The following SCN9A variants were observed in gnomAD, a reference collection of about 807,000 sequenced individuals.
SCN9A encodes the protein sodium channel protein type 9 subunit alpha.
Under a neutral mutation model 187.0 loss-of-function variants are expected in SCN9A, and 131 were observed. That is an observed-to-expected ratio of 0.70 (90% CI 0.61 to 0.81). The LOEUF is 0.81. Among genes scored for constraint, SCN9A ranks in the 30% least tolerant of loss-of-function variants. The pLI is 0.00. For missense variants in SCN9A, 2,252 were observed against 2,396.6 expected, an observed-to-expected ratio of 0.94 and a Z score of 1.26; for synonymous variants, 809 against 808.6, an observed-to-expected ratio of 1.00 and a Z score of -0.01.
chr2:166,270,511 T>C (rs1335519069), intron 17 of SCN9A, among the ~76,000 whole-genome samples: 1 of 152,052 alleles, frequency 6.6e-6, no homozygotes, highest in Non-Finnish European at 1.5e-5. Flanking sequence ...CTTGGCTACA[T>C]AGAAACATAT....
chr2:166,339,702 T>G (rs753630953), intron 1 of SCN9A, among the ~76,000 whole-genome samples: 2 of 152,198 alleles, frequency 1.3e-5, no homozygotes, highest in South Asian at 4.1e-4. Flanking sequence ...GTTAATTACT[T>G]GTAAATGTAG....
At chr2:166,271,729 G>A (rs971789550) in intron 17 of SCN9A, among the ~76,000 whole-genome samples, 13 of 151,958 alleles carry the variant, frequency 8.6e-5, no homozygotes, top group Non-Finnish European at 1.9e-4. Context: ...GTTGTGGCAT[G>A]GGTGTGTAGT....
intron 1 of SCN9A, among the ~76,000 whole-genome samples, chr2:166,334,321 A>C (rs1288509032): frequency 6.6e-6 from 1 of 152,126 alleles, no homozygotes; most frequent in Non-Finnish European, 1.5e-5. Flanking sequence ...TTTACTGGCA[A>C]TTACTTTACT....
intron 1 of SCN9A, among the ~76,000 whole-genome samples, chr2:166,369,544 G>A (rs1476877724): frequency 6.6e-6 from 1 of 152,132 alleles, no homozygotes; most frequent in African/African-American, 2.4e-5. Context: ...CATGAGCCAA[G>A]TTTGTAAATG....
chr2:166,350,696 T>C (rs965594217), intron 1 of SCN9A, among the ~76,000 whole-genome samples: 3 of 152,180 alleles, frequency 2.0e-5, no homozygotes, highest in Admixed American at 2.0e-4. Context: ...TCATCAATGA[T>C]TCCATGTTTG....
intron 1 of SCN9A, among the ~76,000 whole-genome samples, chr2:166,318,189 C>A (rs541131401): frequency 1.3e-5 from 2 of 152,002 alleles, no homozygotes; most frequent in African/African-American, 2.4e-5. Flanking sequence ...TAGCTAGAAC[C>A]AGGGTGGAGT....
chr2:166,258,849 C>G (rs926502837), intron 17 of SCN9A, among the ~76,000 whole-genome samples: 1 of 151,642 alleles, frequency 6.6e-6, no homozygotes, highest in Non-Finnish European at 1.5e-5. Flanking sequence ...ATATACATCT[C>G]TCCATATTTT....
chr2:166,223,798 C>A (rs1291402152), intron 24 of SCN9A, among the ~76,000 whole-genome samples: 2 of 151,804 alleles, frequency 1.3e-5, no homozygotes, highest in African/African-American at 4.8e-5. Flanking sequence ...TGTTTTTTTT[C>A]TTTGGAATAA....
At chr2:166,352,885 G>A (rs1700072185) in intron 1 of SCN9A, among the ~76,000 whole-genome samples, 1 of 152,144 alleles carries the variant, frequency 6.6e-6, no homozygotes, top group Non-Finnish European at 1.5e-5. Flanking sequence ...TATCATTTTT[G>A]TGCAAGTGAG....
Position 166,375,784 on chromosome 2 carries a change from C to T in SCN9A, c.-138G>A, listed in dbSNP as rs1700675209. The T allele has an allele frequency of 6.6e-6, 1 of 152,414 alleles. No homozygotes were observed. Among genetic ancestry groups the T allele is most frequent in the African/African-American group, 2.4e-5 (1 of 41,476 alleles). The allele number at this position is 152,414 out of a possible 1,614,324, so 9.4% of individuals were successfully genotyped here. ...GGCGCGGGCCTCTCCTTCCCCGGCG[C>T]TCTCTCAGGGCTGCTTCTTTTTCTC... On this transcript the variant is annotated 5_prime_UTR_variant, in exon 1 of 27. Transcript: ENST00000642356.
At chr2:166,274,488 C>T (rs1017949282) in intron 16 of SCN9A, among the ~76,000 whole-genome samples, 8 of 151,796 alleles carry the variant, frequency 5.3e-5, no homozygotes, top group Non-Finnish European at 1.0e-4. Flanking sequence ...ATAAAATGAT[C>T]AAAAGAATAA....
chr2:166,344,903 A>G (rs1699865335), intron 1 of SCN9A, among the ~76,000 whole-genome samples: 1 of 152,190 alleles, frequency 6.6e-6, no homozygotes, highest in Non-Finnish European at 1.5e-5. Context: ...GCAGTGTAAG[A>G]CAGAAAGCAT....
chr2:166,360,710 A>C (rs1247000566), intron 1 of SCN9A, among the ~76,000 whole-genome samples: 1 of 152,182 alleles, frequency 6.6e-6, no homozygotes, highest in African/African-American at 2.4e-5. Flanking sequence ...CTGTCTTATA[A>C]AGTTATCATG....
intron 1 of SCN9A, among the ~76,000 whole-genome samples, chr2:166,341,286 G>A (rs779461736): frequency 2.6e-5 from 4 of 152,134 alleles, no homozygotes; most frequent in Admixed American, 6.5e-5. Flanking sequence ...TTCACATATA[G>A]CAATGCTCTA....
intron 1 of SCN9A, among the ~76,000 whole-genome samples, chr2:166,343,849 C>T (rs1699842797): frequency 1.3e-5 from 2 of 152,068 alleles, no homozygotes; most frequent in Admixed American, 6.6e-5. Context: ...CAATTATCCC[C>T]ATCTTCATTA....
intron 1 of SCN9A, among the ~76,000 whole-genome samples, chr2:166,370,781 A>G (rs1232568581): frequency 6.6e-6 from 1 of 151,978 alleles, no homozygotes; most frequent in Admixed American, 6.6e-5. Context: ...TGGCGTACAT[A>G]TCAAACATTT....
chr2:166,294,730 A>T, intron 7 of SCN9A, 68 bp from the exon 8 acceptor site: 1 of 1,079,540 alleles, frequency 9.3e-7, no homozygotes, highest in South Asian at 1.6e-5. Context: ...TAAAGGAGGT[A>T]AATTAATTGA....
chr2:166,268,658 C>T (rs1696845382), intron 17 of SCN9A, among the ~76,000 whole-genome samples: 1 of 151,876 alleles, frequency 6.6e-6, no homozygotes, highest in Admixed American at 6.6e-5. Flanking sequence ...TCTGAAGAGG[C>T]TGGAAAGAAA....
At chr2:166,356,238 T>A (rs1700149946) in intron 1 of SCN9A, among the ~76,000 whole-genome samples, 2 of 152,004 alleles carry the variant, frequency 1.3e-5, no homozygotes, top group Non-Finnish European at 1.5e-5. Context: ...TATTTAGATT[T>A]TTGTATAACG....
Sources: gnomAD v4.1 joint callset for allele counts (sites outside exome capture counted in the v4.1 genomes callset) on GRCh38, gnomAD v4.1.1 for gene constraint, MANE v1.5 for transcripts, NCBI Gene and HGNC (gene_info 2026-07-23, HGNC 2026-07-21) for gene names.